The following SMC4 variants were observed in gnomAD, a reference collection of about 807,000 sequenced individuals.
The protein encoded by SMC4 is structural maintenance of chromosomes 4.
In SMC4, 87 loss-of-function variants were observed where a neutral mutation model predicts 145.6. The observed-to-expected ratio is 0.60, with a 90% confidence interval of 0.50 to 0.71. SMC4 has a LOEUF of 0.71. Ranked by LOEUF, SMC4 falls within the 30% of genes least tolerant of loss-of-function variation. SMC4 has a pLI of 0.00. For synonymous variants in SMC4, 558 were observed against 500.7 expected (o/e 1.11, Z -1.53); for missense variants, 1,447 against 1,537.1 (o/e 0.94, Z 0.98).
chr3:160,432,027 C>T (rs1718462181), intron 21 of SMC4, among the ~76,000 whole-genome samples: 1 of 152,178 alleles, frequency 6.6e-6, no homozygotes, highest in African/African-American at 2.4e-5. Context: ...ATAGTGAAAC[C>T]TCATCTCTAT....
In SMC4 at chr3:160,434,617, A is replaced by G. The variant is rs1310023420; in HGVS notation, c.*808A>G. The G allele has an allele frequency of 6.6e-6, 1 of 152,248 alleles. No homozygotes were observed. Among genetic ancestry groups the G allele is most frequent in the African/African-American group, 2.4e-5 (1 of 41,468 alleles). The allele number at this position is 152,248 out of a possible 1,614,324, so 9.4% of individuals were successfully genotyped here. ...TATTTAGGGGTTAATTACTTTAGTA[A>G]TAAGTGGAAAGTAAGATACCTTGAG... On this transcript the variant is annotated 3_prime_UTR_variant, in exon 24 of 24. Coordinates refer to ENST00000357388, the MANE Select transcript of SMC4 (RefSeq NM_001002800.3).
chr3:160,411,908 T>C lies in SMC4; in HGVS notation c.688-12T>C. 6.2e-7 allele frequency: 1 copy of C among 1,602,854 alleles called. No homozygotes were observed. Among genetic ancestry groups the C allele is most frequent in the South Asian group, 1.1e-5 (1 of 90,038 alleles). ...ATACACAGTGAGTATGAAATATAAC[T>C]TTTTTTTAAAGGGTGAAGTTGAACA... On this transcript the variant is annotated splice_polypyrimidine_tract_variant and intron_variant, in intron 5 of 23. Coordinates refer to ENST00000357388, the MANE Select transcript of SMC4 (RefSeq NM_001002800.3).
intron 8 of SMC4, chr3:160,414,029 AGT>A: frequency 8.4e-6 from 3 of 357,320 alleles, no homozygotes; most frequent in South Asian, 6.6e-5. Context: ...AAATTTGTAT[AGT>A]AAGTTTATTG....
intron 13 of SMC4, among the ~76,000 whole-genome samples, chr3:160,421,123 G>GT (rs967140160): frequency 6.6e-6 from 1 of 151,830 alleles, no homozygotes; most frequent in Non-Finnish European, 1.5e-5. Flanking sequence ...GTAGAGAGGG[G>GT]TTTCACTGTG....
chr3:160,426,204 T>G lies in SMC4; in HGVS notation c.2605+4T>G, dbSNP rs375186571. ...AACGTTAGTGCTTTCAAAACAGGTA[T>G]GTTTAGAGATAGACCTTTTTTGGGG... On this transcript the variant is annotated splice_donor_region_variant and intron_variant, in intron 17 of 23. Coordinates refer to ENST00000357388, the MANE Select transcript of SMC4 (RefSeq NM_001002800.3). 1.9e-6 allele frequency: 3 copies of G among 1,586,066 alleles called. No individual in the cohort carries two copies. Among genetic ancestry groups the G allele is most frequent in the South Asian group, 1.2e-5 (1 of 85,104 alleles).
intron 8 of SMC4, chr3:160,413,963 C>T (rs1716315835): frequency 3.2e-6 from 1 of 314,412 alleles, no homozygotes; most frequent in Non-Finnish European, 5.9e-6. Context: ...TTATCATGTC[C>T]CTACTTGATG....
At chr3:160,418,606 G>C (rs1716830880) in intron 11 of SMC4, among the ~76,000 whole-genome samples, 1 of 152,218 alleles carries the variant, frequency 6.6e-6, no homozygotes, top group Admixed American at 6.5e-5. Context: ...TGACCAGGTA[G>C]AATTTAAATG....
At chr3:160,415,803 A>G (rs1226556796) in intron 9 of SMC4, among the ~76,000 whole-genome samples, 1 of 152,254 alleles carries the variant, frequency 6.6e-6, no homozygotes, top group Admixed American at 6.5e-5. Flanking sequence ...GGAGTAAAAT[A>G]TTAGCCCTAC....
intron 9 of SMC4, among the ~76,000 whole-genome samples, chr3:160,415,362 CTTAAA>C (rs1195716206): frequency 6.6e-6 from 1 of 152,136 alleles, no homozygotes; most frequent in Non-Finnish European, 1.5e-5. Flanking sequence ...GACTCTGTGT[CTTAAA>C]GAGAGATAGG....
At chr3:160,424,370 T>A (rs1437548662) in intron 15 of SMC4, among the ~76,000 whole-genome samples, 3 of 152,252 alleles carry the variant, frequency 2.0e-5, no homozygotes, top group Non-Finnish European at 2.9e-5. Flanking sequence ...ATTTGAATGC[T>A]GTACCTTCAT....
chr3:160,400,799 T>C, intron 1 of SMC4, 23 bp from the exon 2 acceptor site: 1 of 1,494,692 alleles, frequency 6.7e-7, no homozygotes, highest in Non-Finnish European at 8.8e-7. Context: ...GCTGACTTGC[T>C]CCCGGCTGTC....
intron 5 of SMC4, among the ~76,000 whole-genome samples, chr3:160,410,537 C>T (rs548096707): frequency 6.6e-6 from 1 of 152,264 alleles, no homozygotes; most frequent in South Asian, 2.1e-4. Context: ...TACATATTTT[C>T]ACTTATATAC....
chr3:160,411,824 A>T, intron 5 of SMC4, 96 bp from the exon 6 acceptor site: 1 of 923,936 alleles, frequency 1.1e-6, no homozygotes, highest in Non-Finnish European at 1.6e-6. Context: ...GATGTTTATT[A>T]CTCTTGGCTT....
chr3:160,414,866 C>A (rs1460389203), intron 9 of SMC4, among the ~76,000 whole-genome samples: 1 of 152,112 alleles, frequency 6.6e-6, no homozygotes, highest in Non-Finnish European at 1.5e-5. Context: ...TTGCTCCTAG[C>A]TTGACTTTGA....
At chr3:160,400,569 A>G (rs1714459091) in intron 1 of SMC4, 1 of 445,372 alleles carries the variant, frequency 2.2e-6, no homozygotes, top group Non-Finnish European at 3.9e-6. Flanking sequence ...CAACAAACTA[A>G]GCAGTTGCTC....
At chr3:160,423,740 C>CT in intron 14 of SMC4, 21 bp from the exon 15 acceptor site, 1 of 1,609,692 alleles carries the variant, frequency 6.2e-7, no homozygotes, top group South Asian at 1.1e-5. Flanking sequence ...CTGAAGCTGA[C>CT]TTCTCTCCCC....
intron 12 of SMC4, among the ~76,000 whole-genome samples, chr3:160,420,228 G>A (rs528750731): frequency 2.6e-4 from 40 of 152,332 alleles, no homozygotes; most frequent in African/African-American, 8.9e-4. Flanking sequence ...CAGTCCTTAA[G>A]TCAGCCTTTC....
At chr3:160,425,144 TA>T in intron 16 of SMC4, 125 bp downstream of exon 16, 1 of 1,333,576 alleles carries the variant, frequency 7.5e-7, no homozygotes, top group South Asian at 1.6e-5. Context: ...GGAGGATCTA[TA>T]GGCAGATATA....
rs140648766 is a variant in SMC4, at chr3:160,421,252, A to T, written c.2019+351A>T. Among the ~76,000 whole-genome samples the T allele has an allele frequency of 6.3e-4, 96 of 152,102 alleles. 1 individual carries two copies. In the East Asian group the frequency reaches 0.017, roughly 27 times the overall value. ...CCCTATAATTGAATTTTTAAGTGCT[A>T]AGTGTGTTTTTCTTTTTGGATTCAG... On this transcript the variant is annotated intron_variant, in intron 13 of 23. Coordinates refer to ENST00000357388, the MANE Select transcript of SMC4 (RefSeq NM_001002800.3).
Sources: allele counts gnomAD v4.1 joint callset (sites outside exome capture counted in the v4.1 genomes callset), GRCh38; gene constraint gnomAD v4.1.1; transcripts MANE v1.5; gene names NCBI Gene and HGNC (gene_info 2026-07-23, HGNC 2026-07-21).